Variants in RIC1 observed in about 807,000 individuals in gnomAD.
RIC1 encodes guanine nucleotide exchange factor subunit RIC1.
RIC1 carries 88 observed loss-of-function variants against 169.0 expected under a neutral mutation model. That is an observed-to-expected ratio of 0.52 (90% CI 0.44 to 0.62). The LOEUF is 0.62. Among genes scored for constraint, RIC1 ranks in the 20% least tolerant of loss-of-function variants. RIC1 has a pLI of 0.00. For synonymous variants in RIC1, 790 were observed against 601.5 expected (o/e 1.31, Z -4.59); for missense variants, 1,877 against 1,725.5 (o/e 1.09, Z -1.56).
chr9:5,655,461 G>T (rs10975213), intron 1 of RIC1, among the ~76,000 whole-genome samples: 3 of 151,552 alleles, frequency 2.0e-5, no homozygotes, highest in Middle Eastern at 3.4e-3. Context: ...CCACCACACC[G>T]GGCTAATTTT....
At chr9:5,679,867 C>A (rs1820706392) in intron 2 of RIC1, among the ~76,000 whole-genome samples, 1 of 152,088 alleles carries the variant, frequency 6.6e-6, no homozygotes, top group Non-Finnish European at 1.5e-5. Flanking sequence ...GCCAGAACTT[C>A]CAACACTATG....
chr9:5,663,016 T>G (rs750866429), intron 2 of RIC1, among the ~76,000 whole-genome samples: 6 of 152,212 alleles, frequency 3.9e-5, no homozygotes, highest in Non-Finnish European at 7.3e-5. Context: ...TCCCAGAGAT[T>G]CTGGTACATT....
chr9:5,765,618 T>A (rs1182941668), intron 20 of RIC1, 44 bp from the exon 21 acceptor site: 1 of 1,614,068 alleles, frequency 6.2e-7, no homozygotes, highest in African/African-American at 1.3e-5. Flanking sequence ...TACACCCACG[T>A]AGCATCTTTC....
intron 2 of RIC1, among the ~76,000 whole-genome samples, chr9:5,683,051 A>C (rs1252070274): frequency 6.6e-6 from 1 of 151,964 alleles, no homozygotes; most frequent in Non-Finnish European, 1.5e-5. Context: ...TGGTTATTCT[A>C]GTTAGCCATT....
At chr9:5,691,656 A>T (rs1821597914) in intron 3 of RIC1, among the ~76,000 whole-genome samples, 1 of 151,934 alleles carries the variant, frequency 6.6e-6, no homozygotes, top group Non-Finnish European at 1.5e-5. Context: ...TAATTTTGTG[A>T]TTCTTTTGAA....
chr9:5,635,767 G>C (rs931030754), intron 1 of RIC1, among the ~76,000 whole-genome samples: 1 of 152,144 alleles, frequency 6.6e-6, no homozygotes, highest in Non-Finnish European at 1.5e-5. Context: ...CACGAGATCT[G>C]ATGGTTTTAT....
chr9:5,737,884 G>C (rs1824821860), intron 7 of RIC1, among the ~76,000 whole-genome samples: 1 of 151,886 alleles, frequency 6.6e-6, no homozygotes, highest in African/African-American at 2.4e-5. Flanking sequence ...ACTTACTATT[G>C]ATTAAGTGGA....
At chr9:5,741,634 G>A (rs924640637) in intron 8 of RIC1, among the ~76,000 whole-genome samples, 3 of 151,940 alleles carry the variant, frequency 2.0e-5, no homozygotes, top group Middle Eastern at 3.2e-3. Context: ...ATTATTTAAA[G>A]GCTTATTTAG....
At position 5,776,366 on chromosome 9, in the gene RIC1, T is replaced by C. The variant is rs923751086; in HGVS notation, c.*2120T>C. Reference sequence around the variant, plus strand: ...CTGTTTAAGCCATAATTTTAGCCAATGAATTTAAATATTCAGTATAACTAT... The same window carrying C: ...CTGTTTAAGCCATAATTTTAGCCAACGAATTTAAATATTCAGTATAACTAT... On this transcript the variant is annotated 3_prime_UTR_variant, in exon 26 of 26. Coordinates refer to ENST00000414202, the MANE Select transcript of RIC1 (RefSeq NM_020829.4). The C allele has an allele frequency of 5.3e-5, 8 of 152,166 alleles. No individual in the cohort carries two copies. The highest frequency in any genetic ancestry group is 3.2e-3 in the Middle Eastern group (1 of 316). The allele number at this position is 152,166 out of a possible 1,614,324, so 9.4% of individuals were successfully genotyped here. A position where few individuals can be genotyped will look rare whatever the true frequency, so the allele number is the denominator to read the frequency against.
chr9:5,632,934 T>C (rs1817788759), intron 1 of RIC1, among the ~76,000 whole-genome samples: 1 of 152,212 alleles, frequency 6.6e-6, no homozygotes, highest in South Asian at 2.1e-4. Context: ...TTTAAACATT[T>C]AAATTAGCTT....
chr9:5,720,466 G>A, intron 5 of RIC1, 142 bp downstream of exon 5: 1 of 1,107,622 alleles, frequency 9.0e-7, no homozygotes, highest in Non-Finnish European at 1.3e-6. Context: ...GGTGAGAGAG[G>A]CATTTAATAG....
At chr9:5,670,169 T>A (rs1271106080) in intron 2 of RIC1, among the ~76,000 whole-genome samples, 1 of 152,214 alleles carries the variant, frequency 6.6e-6, no homozygotes, top group Non-Finnish European at 1.5e-5. Flanking sequence ...CTGCAGCTTC[T>A]AAGTTCAGCA....
chr9:5,650,035 G>C (rs1345385119), intron 1 of RIC1, among the ~76,000 whole-genome samples: 2 of 152,188 alleles, frequency 1.3e-5, no homozygotes, highest in African/African-American at 4.8e-5. Flanking sequence ...TGGGCAGTGG[G>C]ATGCTAGGTA....
Position 5,629,304 on chromosome 9 carries a change from C to G in RIC1, c.-6C>G. Reference sequence around the variant, plus strand: ...AACTGGGGGCGCCGGGGGCTCCGCACGGACCATGTATTTTCTGAGCGGCTG... The same window carrying G: ...AACTGGGGGCGCCGGGGGCTCCGCAGGGACCATGTATTTTCTGAGCGGCTG... On this transcript the variant is annotated 5_prime_UTR_variant, in exon 1 of 26. Transcript: ENST00000414202. 1 of 1,506,360 alleles carries G rather than the reference C, an allele frequency of 6.6e-7. No homozygotes were observed. Among genetic ancestry groups the G allele is most frequent in the Non-Finnish European group, 8.8e-7 (1 of 1,133,394 alleles). 93.3% of individuals were successfully genotyped at this position (1,506,360 alleles called of 1,614,324 possible). A position where few individuals can be genotyped will look rare whatever the true frequency, so the allele number is the denominator to read the frequency against.
chr9:5,733,193 G>A (rs901172106), intron 7 of RIC1, among the ~76,000 whole-genome samples: 1 of 146,412 alleles, frequency 6.8e-6, no homozygotes, highest in Admixed American at 6.9e-5. Context: ...ATGAGACTTG[G>A]TTGTTCTATA....
chr9:5,701,095 T>G (rs1053197943), intron 3 of RIC1, among the ~76,000 whole-genome samples: 1 of 152,204 alleles, frequency 6.6e-6, no homozygotes, highest in African/African-American at 2.4e-5. Flanking sequence ...GGGTTCTATT[T>G]CATTAGTGCA....
At chr9:5,756,104 T>TAAAAAA in intron 15 of RIC1, 108 bp from the exon 16 acceptor site, 1 of 466,750 alleles carries the variant, frequency 2.1e-6, no homozygotes, top group Non-Finnish European at 3.4e-6. Flanking sequence ...CTCCTGTTAC[T>TAAAAAA]AAAAAAAAAA....
At position 5,648,274 on chromosome 9, in the gene RIC1, A is replaced by G. The variant is rs564074444; in HGVS notation, c.145-8309A>G. On this transcript the variant is annotated intron_variant, in intron 1 of 25. Coordinates refer to ENST00000414202, the MANE Select transcript of RIC1 (RefSeq NM_020829.4). The stretch of plus-strand genomic sequence containing the variant: ...GCTGAGATTACAGCTGTGAGCCATC[A>G]TGCCTAGCCAGGTATAGGTTTTTTA... Among the ~76,000 whole-genome samples the G allele has an allele frequency of 7.4e-4, 112 of 152,260 alleles. 1 individual carries two copies. Among genetic ancestry groups the G allele is most frequent in the African/African-American group, 2.6e-3 (108 of 41,562 alleles).
chr9:5,739,812 G>C (rs542513302), intron 8 of RIC1, among the ~76,000 whole-genome samples: 1 of 152,206 alleles, frequency 6.6e-6, no homozygotes, highest in Non-Finnish European at 1.5e-5. Context: ...AGTGAATCTA[G>C]CTTCATCAGG....
Sources: allele counts gnomAD v4.1 joint callset (sites outside exome capture counted in the v4.1 genomes callset), GRCh38; gene constraint gnomAD v4.1.1; transcripts MANE v1.5; gene names NCBI Gene and HGNC (gene_info 2026-07-23, HGNC 2026-07-21).